Variants in ABTB2 observed in about 807,000 individuals in gnomAD.
ABTB2 encodes ankyrin repeat and BTB/POZ domain-containing protein 2.
A neutral mutation model predicts 104.1 loss-of-function variants in ABTB2; 56 were observed. That is an observed-to-expected ratio of 0.54 (90% CI 0.43 to 0.67). The LOEUF is 0.67. Among genes scored for constraint, ABTB2 ranks in the 30% least tolerant of loss-of-function variants. The pLI, the probability that ABTB2 is intolerant of heterozygous loss-of-function variation, is 0.00. For missense variants in ABTB2, 1,279 were observed against 1,407.7 expected, an observed-to-expected ratio of 0.91 and a Z score of 1.46; for synonymous variants, 606 against 608.2, an observed-to-expected ratio of 1.00 and a Z score of 0.05.
At chr11:34,265,520 C>T (rs914988204) in intron 1 of ABTB2, among the ~76,000 whole-genome samples, 37 of 152,086 alleles carry the variant, frequency 2.4e-4, no homozygotes, top group African/African-American at 7.5e-4. Context: ...ATTAGCCAGG[C>T]GTGGCGGTAC....
intron 1 of ABTB2, among the ~76,000 whole-genome samples, chr11:34,275,526 A>G (rs997142424): frequency 1.1e-4 from 17 of 152,234 alleles, no homozygotes; most frequent in Non-Finnish European, 1.9e-4. Context: ...TAAAGTAGCA[A>G]GCTGACCCTT....
intron 1 of ABTB2, among the ~76,000 whole-genome samples, chr11:34,230,239 T>C (rs1853751693): frequency 6.6e-6 from 1 of 152,244 alleles, no homozygotes; most frequent in Admixed American, 6.5e-5. Context: ...AGTCCTTGCC[T>C]GCACTAACAT....
In ABTB2 at chr11:34,167,961, G is replaced by A. The variant is rs1370441070; in HGVS notation, c.1595C>T (p.Ala532Val). Residue 532 changes from alanine to valine, a missense_variant, in exon 6 of 17, where the codon GCT becomes GTT. By Grantham distance (64) the Ala-to-Val change is moderately conservative. Coordinates refer to ENST00000435224, the MANE Select transcript of ABTB2 (RefSeq NM_145804.3). ...CATCTGGACCATCGCTTCGTCCCCA[G>A]CAGCGCAGGCGTACATCAGTGGCGT... ...GMTPLMYACA[A>V]GDEAMVQMLI... 6.2e-7 allele frequency: 1 copy of A among 1,614,240 alleles called. No individual in the cohort carries two copies. Among genetic ancestry groups the A allele is most frequent in the South Asian group, 1.1e-5 (1 of 91,086 alleles).
chr11:34,161,211 C>A (rs2133006083), intron 10 of ABTB2, 130 bp from the exon 11 acceptor site: 1 of 876,940 alleles, frequency 1.1e-6, no homozygotes, highest in African/African-American at 1.7e-5. Flanking sequence ...CCCGCCCCCT[C>A]CCGCCTGCCC....
At chr11:34,244,550 C>G (rs746283413) in intron 1 of ABTB2, among the ~76,000 whole-genome samples, 11 of 152,174 alleles carry the variant, frequency 7.2e-5, no homozygotes, top group Non-Finnish European at 1.3e-4. Context: ...TTATGAAGAT[C>G]ATTTCATTTA....
intron 1 of ABTB2, among the ~76,000 whole-genome samples, chr11:34,322,288 A>G (rs1805043622): frequency 6.6e-6 from 1 of 152,222 alleles, no homozygotes; most frequent in Admixed American, 6.5e-5. Context: ...AAATTTGGGT[A>G]TAGACTAAGT....
chr11:34,276,049 T>C (rs767011362), intron 1 of ABTB2, among the ~76,000 whole-genome samples: 2 of 152,084 alleles, frequency 1.3e-5, no homozygotes, highest in Non-Finnish European at 2.9e-5. Flanking sequence ...TCTCAGAAAA[T>C]AGAAATGGCA....
At chr11:34,230,142 A>T (rs918426803) in intron 1 of ABTB2, among the ~76,000 whole-genome samples, 3 of 152,236 alleles carry the variant, frequency 2.0e-5, no homozygotes, top group Non-Finnish European at 2.9e-5. Context: ...TCGCATATGC[A>T]TGCGCAAACA....
intron 1 of ABTB2, among the ~76,000 whole-genome samples, chr11:34,221,478 G>T (rs1421239789): frequency 6.6e-6 from 1 of 152,246 alleles, no homozygotes; most frequent in Non-Finnish European, 1.5e-5. Flanking sequence ...CAGATGAAGT[G>T]ATTCCCCAAG....
At chr11:34,325,581 A>G (rs12296062) in intron 1 of ABTB2, among the ~76,000 whole-genome samples, 2 of 152,052 alleles carry the variant, frequency 1.3e-5, no homozygotes, top group African/African-American at 4.8e-5. Context: ...GAAGTTAGCT[A>G]TTACTATTAC....
chr11:34,308,743 C>T (rs1206524332), intron 1 of ABTB2, among the ~76,000 whole-genome samples: 5 of 151,622 alleles, frequency 3.3e-5, no homozygotes, highest in Admixed American at 6.6e-5. Flanking sequence ...GGGTGGCAGG[C>T]GCCTGTATTC....
chr11:34,305,579 TA>T (rs1400257135), intron 1 of ABTB2, among the ~76,000 whole-genome samples: 1 of 152,106 alleles, frequency 6.6e-6, no homozygotes, highest in East Asian at 1.9e-4. Context: ...ATGTGTGGAG[TA>T]AGGGAACCAG....
intron 2 of ABTB2, among the ~76,000 whole-genome samples, chr11:34,200,735 G>A (rs746490072): frequency 3.3e-5 from 5 of 152,186 alleles, no homozygotes; most frequent in Non-Finnish European, 7.3e-5. Context: ...AAGCAAGCTT[G>A]CAAGAGTTAA....
intron 1 of ABTB2, among the ~76,000 whole-genome samples, chr11:34,213,203 C>T (rs916325865): frequency 2.6e-5 from 4 of 152,130 alleles, no homozygotes; most frequent in African/African-American, 7.2e-5. Flanking sequence ...CCTGACCAGG[C>T]GCAGTGGCTC....
At chr11:34,229,920 C>G (rs1293643101) in intron 1 of ABTB2, among the ~76,000 whole-genome samples, 1 of 152,062 alleles carries the variant, frequency 6.6e-6, no homozygotes, top group African/African-American at 2.4e-5. Flanking sequence ...AAATGTCTAC[C>G]CAGTTCTTGC....
At chr11:34,256,804 G>A (rs781596136) in intron 1 of ABTB2, among the ~76,000 whole-genome samples, 14 of 152,184 alleles carry the variant, frequency 9.2e-5, no homozygotes, top group African/African-American at 2.9e-4. Context: ...GGGGACGGAC[G>A]GAGAGCCACA....
chr11:34,308,794 C>T (rs548234751), intron 1 of ABTB2, among the ~76,000 whole-genome samples: 1 of 142,726 alleles, frequency 7.0e-6, no homozygotes, highest in South Asian at 2.3e-4. Context: ...TTGCTTGAAC[C>T]CAAGAGGTGG....
At chr11:34,178,625 T>A (rs1162286234) in intron 3 of ABTB2, among the ~76,000 whole-genome samples, 2 of 152,218 alleles carry the variant, frequency 1.3e-5, no homozygotes, top group East Asian at 3.8e-4. Context: ...CGTGCCCGAA[T>A]GCAGATATCT....
chr11:34,224,169 C>G (rs537189468), intron 1 of ABTB2, among the ~76,000 whole-genome samples: 127 of 152,286 alleles, frequency 8.3e-4, no homozygotes, highest in African/African-American at 2.9e-3. Context: ...TATGCCACCA[C>G]ACCCAGCTAA....
Sources: allele counts gnomAD v4.1 joint callset (sites outside exome capture counted in the v4.1 genomes callset), GRCh38; gene constraint gnomAD v4.1.1; transcripts MANE v1.5; gene names NCBI Gene and HGNC (gene_info 2026-07-23, HGNC 2026-07-21).